The following PCDH15 variants were observed in gnomAD, a reference collection of about 807,000 sequenced individuals.
PCDH15 encodes the protein protocadherin related 15, also known as protocadherin-15.
A neutral mutation model predicts 178.5 loss-of-function variants in PCDH15; 129 were observed. The ratio of observed to expected loss-of-function variants is 0.72; its 90% CI spans 0.63 to 0.84. The LOEUF (loss-of-function observed/expected upper bound fraction) is 0.84, where lower values mean the gene tolerates loss of function less well. Among genes scored for constraint, PCDH15 ranks in the 40% least tolerant of loss-of-function variants. PCDH15 has a pLI of 0.00. For synonymous variants in PCDH15, 800 were observed against 732.0 expected (o/e 1.09, Z -1.50); for missense variants, 2,230 against 2,099.9 (o/e 1.06, Z -1.21).
intron 2 of PCDH15, among the ~76,000 whole-genome samples, chr10:55,345,559 A>G (rs921001900): frequency 6.6e-5 from 10 of 152,140 alleles, no homozygotes; most frequent in African/African-American, 2.4e-4. Context: ...TGCTGAAAAC[A>G]TCAGCTAAAA....
chr10:54,788,607 A>G lies in PCDH15; in HGVS notation c.-29+12318T>C, dbSNP rs1951106638. 2.0e-5 allele frequency among the ~76,000 whole-genome samples: 3 copies of G among 151,958 alleles called. No homozygotes were observed. In the South Asian group the frequency reaches 6.2e-4, roughly 31 times the overall value. On this transcript the variant is annotated intron_variant, in intron 1 of 37. Coordinates refer to ENST00000644397, the MANE Select transcript of PCDH15 (RefSeq NM_001384140.1). Reference sequence around the variant, plus strand: ...AAGAAGAGCTTGAAAGTAAACCTAAAATCTGTCTTCAGTAATAAGATTTAA... The same window carrying G: ...AAGAAGAGCTTGAAAGTAAACCTAAGATCTGTCTTCAGTAATAAGATTTAA...
At chr10:55,537,194 A>C (rs901442887) in intron 2 of PCDH15, among the ~76,000 whole-genome samples, 6 of 152,100 alleles carry the variant, frequency 3.9e-5, no homozygotes, top group African/African-American at 1.4e-4. Context: ...AAATAATAGC[A>C]ATACATGCCA....
chr10:55,378,821 C>A (rs1012881314), intron 2 of PCDH15, among the ~76,000 whole-genome samples: 1 of 151,588 alleles, frequency 6.6e-6, no homozygotes, highest in African/African-American at 2.4e-5. Context: ...TCCTTTTTCT[C>A]ACTCTCTTTT....
chr10:54,029,954 C>T (rs79219491), intron 18 of PCDH15, among the ~76,000 whole-genome samples: 2,473 of 152,220 alleles, frequency 0.016, 63 homozygotes, highest in African/African-American at 0.057. Context: ...GTTTGCACTC[C>T]TTCCACTGAG....
chr10:55,288,882 T>TATATATC (rs1157393281), intron 1 of PCDH15, among the ~76,000 whole-genome samples: 2 of 151,572 alleles, frequency 1.3e-5, no homozygotes, highest in African/African-American at 4.8e-5. Context: ...TATATATATA[T>TATATATC]ATATATCTAG....
At chr10:54,561,509 A>C (rs1261410582) in intron 2 of PCDH15, among the ~76,000 whole-genome samples, 1 of 152,180 alleles carries the variant, frequency 6.6e-6, no homozygotes, top group Non-Finnish European at 1.5e-5. Context: ...ATTCATGGGA[A>C]TCAATAGAAT....
chr10:55,335,489 C>T (rs923736010), intron 2 of PCDH15, among the ~76,000 whole-genome samples: 1 of 152,134 alleles, frequency 6.6e-6, no homozygotes, highest in Admixed American at 6.5e-5. Flanking sequence ...AAAGACTTTC[C>T]CTTCCCTTGG....
At chr10:54,445,206 T>C (rs1260349750) in intron 3 of PCDH15, among the ~76,000 whole-genome samples, 2 of 151,472 alleles carry the variant, frequency 1.3e-5, no homozygotes, top group Non-Finnish European at 3.0e-5. Flanking sequence ...TCTCCATAAA[T>C]GCTATGAAAG....
chr10:54,689,042 T>C (rs879704160), intron 1 of PCDH15, among the ~76,000 whole-genome samples: 3 of 152,092 alleles, frequency 2.0e-5, no homozygotes, highest in Non-Finnish European at 2.9e-5. Context: ...TTAGATATGC[T>C]AAATTGGGTA....
rs151056730 is a variant in PCDH15 at position 55,469,140 on chromosome 10, T to C, written c.-156+158485A>G. On this transcript the variant is annotated intron_variant, in intron 2 of 5. Transcript: ENST00000613346. Reference sequence around the variant, plus strand: ...TTAGGTGGAGCTACAGATCTACAAGTATTGAAATCCAAGGACAGAAGAAGA... The same window carrying C: ...TTAGGTGGAGCTACAGATCTACAAGCATTGAAATCCAAGGACAGAAGAAGA... The C allele has an allele frequency of 2.0e-3, 299 of 152,216 alleles. 2 individuals carry two copies. The highest frequency in any genetic ancestry group is 7.0e-3 in the African/African-American group (292 of 41,550). 9.4% of individuals were successfully genotyped at this position (152,216 alleles called of 1,614,324 possible). A position where few individuals can be genotyped will look rare whatever the true frequency, so the allele number is the denominator to read the frequency against.
intron 2 of PCDH15, among the ~76,000 whole-genome samples, chr10:54,541,991 T>TA (rs1444178513): frequency 1.3e-5 from 2 of 152,116 alleles, no homozygotes; most frequent in African/African-American, 4.8e-5. Flanking sequence ...TAAGCTGCAT[T>TA]AAAAAAAGCA....
At chr10:54,138,366 T>C (rs926654129) in intron 14 of PCDH15, among the ~76,000 whole-genome samples, 1 of 152,062 alleles carries the variant, frequency 6.6e-6, no homozygotes, top group Admixed American at 6.6e-5. Context: ...GCCCAACCAG[T>C]AGAAAGAAGA....
intron 23 of PCDH15, among the ~76,000 whole-genome samples, chr10:53,941,694 G>A (rs913379254): frequency 6.6e-6 from 1 of 152,036 alleles, no homozygotes; most frequent in Non-Finnish European, 1.5e-5. Context: ...CATGATTACT[G>A]GATTTTATAG....
At chr10:55,581,698 G>T (rs888491926) in intron 2 of PCDH15, among the ~76,000 whole-genome samples, 19 of 152,228 alleles carry the variant, frequency 1.2e-4, no homozygotes, top group African/African-American at 4.6e-4. Context: ...AAAAGTAGAA[G>T]ACATTTATTA....
chr10:53,892,790 G>T (rs2133509212), intron 26 of PCDH15, among the ~76,000 whole-genome samples: 1 of 152,220 alleles, frequency 6.6e-6, no homozygotes, highest in South Asian at 2.1e-4. Flanking sequence ...ATAAGGTAAA[G>T]GGATATATTG....
chr10:55,414,770 GGTGTGTGTGT>G (rs71014486), intron 2 of PCDH15, among the ~76,000 whole-genome samples: 109 of 146,964 alleles, frequency 7.4e-4, no homozygotes, highest in Admixed American at 1.6e-3. Flanking sequence ...TCTAACAAGG[GGTGTGTGTGT>G]GTGTGTGTGT....
chr10:54,762,269 C>T (rs1947973574), intron 1 of PCDH15, among the ~76,000 whole-genome samples: 2 of 151,940 alleles, frequency 1.3e-5, no homozygotes, highest in South Asian at 4.1e-4. Flanking sequence ...CATATAAATA[C>T]TTCAAGAAAA....
intron 2 of PCDH15, chr10:54,608,049 A>T (rs541098100): frequency 2.0e-4 from 87 of 440,854 alleles, no homozygotes; most frequent in South Asian, 1.5e-3. Context: ...TAATATTTTA[A>T]CTTGAAATAC....
intron 2 of PCDH15, among the ~76,000 whole-genome samples, chr10:55,138,427 T>C (rs999896865): frequency 3.3e-5 from 5 of 152,142 alleles, no homozygotes; most frequent in African/African-American, 1.2e-4. Context: ...TAGAGTATTC[T>C]TGAAGTAATT....
Sources: allele counts gnomAD v4.1 joint callset (sites outside exome capture counted in the v4.1 genomes callset), GRCh38; gene constraint gnomAD v4.1.1; transcripts MANE v1.5; gene names NCBI Gene and HGNC (gene_info 2026-07-23, HGNC 2026-07-21).